RGL1: variants seen among roughly 807,000 people sequenced by gnomAD.
RGL1 encodes the protein ral guanine nucleotide dissociation stimulator like 1, also known as ral guanine nucleotide dissociation stimulator-like 1.
Under a neutral mutation model 95.2 loss-of-function variants are expected in RGL1, and 24 were observed. The ratio of observed to expected loss-of-function variants is 0.25; its 90% CI spans 0.18 to 0.35. The LOEUF is 0.35. Ranked by LOEUF, RGL1 falls within the 10% of genes least tolerant of loss-of-function variation. RGL1 has a pLI of 1.00. For missense variants in RGL1, 715 were observed against 936.3 expected (o/e 0.76, Z 3.08); for synonymous variants, 329 against 344.9 (o/e 0.95, Z 0.51).
chr1:183,757,560 T>C (rs1347119303), intron 2 of RGL1, among the ~76,000 whole-genome samples: 1 of 152,204 alleles, frequency 6.6e-6, no homozygotes, highest in African/African-American at 2.4e-5. Flanking sequence ...AATGCTTTGA[T>C]ATATGAATCT....
chr1:183,926,094 A>T lies in RGL1; in HGVS notation c.2120-11A>T. Reference sequence around the variant, plus strand: ...CAAGCTGACCATCTTATCTTTCCTTATCTTTTTCAGAACTTGTGATTCCAG... The same window carrying T: ...CAAGCTGACCATCTTATCTTTCCTTTTCTTTTTCAGAACTTGTGATTCCAG... On this transcript the variant is annotated splice_polypyrimidine_tract_variant and intron_variant, in intron 17 of 17. Transcript: ENST00000360851. 3 of 1,610,982 alleles carry T rather than the reference A, an allele frequency of 1.9e-6. No individual in the cohort carries two copies. Among genetic ancestry groups the T allele is most frequent in the East Asian group, 2.2e-5 (1 of 44,842 alleles).
In RGL1 at chr1:183,734,886, C is replaced by T. The variant is rs553158921; in HGVS notation, c.-32-7240C>T. 7.2e-5 allele frequency among the ~76,000 whole-genome samples: 11 copies of T among 152,306 alleles called. No individual in the cohort carries two copies. The South Asian group carries it at 8.3e-4, about 11-fold the overall frequency. On this transcript the variant is annotated intron_variant, in intron 1 of 18. Coordinates refer to the RGL1 transcript ENST00000304685. Reference sequence around the variant, plus strand: ...TGTTAAGTATCCTCTCCCTTCCCCACGTCTGTCTTTGCAGATTTGTGACCA... The same window carrying T: ...TGTTAAGTATCCTCTCCCTTCCCCATGTCTGTCTTTGCAGATTTGTGACCA...
chr1:183,826,715 A>C (rs1662889123), intron 2 of RGL1, among the ~76,000 whole-genome samples: 1 of 152,218 alleles, frequency 6.6e-6, no homozygotes, highest in Non-Finnish European at 1.5e-5. Context: ...CTGAGCTGTA[A>C]ATGAAAGGTT....
At chr1:183,911,064 A>G (rs1010350087) in intron 14 of RGL1, among the ~76,000 whole-genome samples, 1 of 152,164 alleles carries the variant, frequency 6.6e-6, no homozygotes, top group Non-Finnish European at 1.5e-5. Flanking sequence ...ATTTTGTATC[A>G]CGAGTTTATC....
chr1:183,807,409 T>C (rs559094488), intron 2 of RGL1, among the ~76,000 whole-genome samples: 1 of 152,362 alleles, frequency 6.6e-6, no homozygotes, highest in Admixed American at 6.5e-5. Context: ...TGAAGATTTA[T>C]GCACTTGCAT....
intron 2 of RGL1, among the ~76,000 whole-genome samples, chr1:183,839,287 T>G (rs2500107): frequency 0.8 from 121,586 of 152,098 alleles, 48,752 homozygotes; most frequent in Middle Eastern, 0.88. Flanking sequence ...CATTGGCATG[T>G]AATTCAGTAC....
chr1:183,891,919 A>T (rs1667448182), intron 8 of RGL1, among the ~76,000 whole-genome samples, 158 bp from the exon 9 acceptor site: 1 of 151,278 alleles, frequency 6.6e-6, no homozygotes, highest in Non-Finnish European at 1.5e-5. Flanking sequence ...CATCCCGCAT[A>T]AAAAAAAATC....
intron 1 of RGL1, among the ~76,000 whole-genome samples, chr1:183,681,493 G>A (rs574371071): frequency 6.6e-6 from 1 of 152,304 alleles, no homozygotes; most frequent in East Asian, 1.9e-4. Flanking sequence ...ATTTGCATAT[G>A]TTGAGCCAGC....
intron 2 of RGL1, among the ~76,000 whole-genome samples, chr1:183,750,249 T>C (rs1474432572): frequency 6.6e-6 from 1 of 152,228 alleles, no homozygotes; most frequent in African/African-American, 2.4e-5. Flanking sequence ...TTGGAGGCTT[T>C]GTTCATTCCT....
At chr1:183,897,939 A>C in intron 10 of RGL1, 42 bp downstream of exon 10, 1 of 1,561,428 alleles carries the variant, frequency 6.4e-7, no homozygotes, top group Non-Finnish European at 8.8e-7. Context: ...CACAGAGGAG[A>C]AGGGCCGTGT....
chr1:183,846,869 G>T (rs759916429), intron 2 of RGL1, among the ~76,000 whole-genome samples: 6 of 151,794 alleles, frequency 4.0e-5, no homozygotes, highest in Non-Finnish European at 7.4e-5. Flanking sequence ...GACAAAGCGA[G>T]ACTCCATCTC....
intron 1 of RGL1, among the ~76,000 whole-genome samples, chr1:183,723,701 T>C (rs1656149403): frequency 6.6e-6 from 1 of 152,214 alleles, no homozygotes; most frequent in African/African-American, 2.4e-5. Flanking sequence ...TAAAGTGCTC[T>C]GGGGTTCTAA....
chr1:183,703,721 C>T (rs750736156), intron 1 of RGL1, among the ~76,000 whole-genome samples: 4 of 152,130 alleles, frequency 2.6e-5, no homozygotes, highest in South Asian at 2.1e-4. Flanking sequence ...AGCTGTTTAT[C>T]GGGTGGGATG....
intron 1 of RGL1, among the ~76,000 whole-genome samples, chr1:183,680,645 G>C (rs1182658136): frequency 6.6e-6 from 1 of 152,152 alleles, no homozygotes; most frequent in Non-Finnish European, 1.5e-5. Context: ...GCTTAGGATT[G>C]TCTTGGCTAT....
At chr1:183,857,164 T>TA (rs1015354849) in intron 3 of RGL1, among the ~76,000 whole-genome samples, 4 of 152,126 alleles carry the variant, frequency 2.6e-5, no homozygotes, top group African/African-American at 9.7e-5. Context: ...GAGAAAGAGA[T>TA]ACAAGGATGG....
chr1:183,888,616 G>T (rs1558273878), intron 8 of RGL1, 39 bp downstream of exon 8: 1 of 1,322,720 alleles, frequency 7.6e-7, no homozygotes, highest in Non-Finnish European at 1.1e-6. Flanking sequence ...TCTTTGGCCG[G>T]GATAATTAGT....
intron 1 of RGL1, among the ~76,000 whole-genome samples, chr1:183,679,482 C>T (rs370779987): frequency 6.2e-5 from 9 of 146,234 alleles, no homozygotes; most frequent in South Asian, 4.4e-4. Flanking sequence ...TGAGAACATG[C>T]GGCGTTCAGT....
chr1:183,840,571 A>G lies in RGL1; in HGVS notation c.139-6995A>G, dbSNP rs530667398. 2.0e-4 allele frequency among the ~76,000 whole-genome samples: 30 copies of G among 152,132 alleles called. 1 individual carries two copies. Among genetic ancestry groups the G allele is most frequent in the African/African-American group, 6.7e-4 (28 of 41,492 alleles). ...AGTTAACTCTCATTCATTATGTGAA[A>G]CCCAGTGCAGGCCAGGTATGGTGGC... is the stretch of plus-strand genomic sequence containing the variant. On this transcript the variant is annotated intron_variant, in intron 2 of 17. Transcript: ENST00000360851.
intron 2 of RGL1, among the ~76,000 whole-genome samples, chr1:183,837,493 A>T (rs1226210812): frequency 6.6e-6 from 1 of 152,228 alleles, no homozygotes; most frequent in Non-Finnish European, 1.5e-5. Flanking sequence ...TTTGTATGTG[A>T]CAATTTGTGA....
Sources: allele counts gnomAD v4.1 joint callset (sites outside exome capture counted in the v4.1 genomes callset), GRCh38; gene constraint gnomAD v4.1.1; transcripts MANE v1.5; gene names NCBI Gene and HGNC (gene_info 2026-07-23, HGNC 2026-07-21).